The following ZNF277 variants were observed in gnomAD, a reference collection of about 807,000 sequenced individuals.
ZNF277 encodes the protein nuclear receptor-interacting factor 4.
A neutral mutation model predicts 60.7 loss-of-function variants in ZNF277; 55 were observed. That is an observed-to-expected ratio of 0.91 (90% CI 0.73 to 1.13). ZNF277 has a LOEUF of 1.13. Ranked by LOEUF, ZNF277 falls within the 50% of genes most tolerant of loss-of-function variation. The probability of loss-of-function intolerance (pLI) is 0.00; values close to 1 mark genes in which losing one functional copy is unlikely to be tolerated. For missense variants in ZNF277, 510 were observed against 523.0 expected, an observed-to-expected ratio of 0.98 and a Z score of 0.24; for synonymous variants, 178 against 179.3, an observed-to-expected ratio of 0.99 and a Z score of 0.06.
chr7:112,272,629 G>C (rs143319389), intron 1 of ZNF277, among the ~76,000 whole-genome samples: 149 of 152,272 alleles, frequency 9.8e-4, no homozygotes, highest in Middle Eastern at 3.4e-3. Flanking sequence ...GAGTAGCTGG[G>C]ATTATAGGCA....
chr7:112,336,913 C>G (rs937336454), intron 8 of ZNF277, among the ~76,000 whole-genome samples: 1 of 152,112 alleles, frequency 6.6e-6, no homozygotes, highest in Non-Finnish European at 1.5e-5. Context: ...AAGTCATGAC[C>G]TGGGCCGGGA....
At chr7:112,218,855 T>C (rs1821954008) in intron 1 of ZNF277, among the ~76,000 whole-genome samples, 1 of 152,236 alleles carries the variant, frequency 6.6e-6, no homozygotes. Context: ...ATTTTCTTTA[T>C]CTGTTCATCC....
At chr7:112,332,794 A>T (rs972754326) in intron 7 of ZNF277, among the ~76,000 whole-genome samples, 7 of 152,222 alleles carry the variant, frequency 4.6e-5, no homozygotes. Context: ...GAAATGATGT[A>T]AACACCTTTG....
intron 1 of ZNF277, among the ~76,000 whole-genome samples, chr7:112,222,285 G>A (rs1822050666): frequency 6.6e-6 from 1 of 152,194 alleles, no homozygotes; most frequent in Non-Finnish European, 1.5e-5. Context: ...TAAATGTTTG[G>A]TAGAATTCAG....
intron 1 of ZNF277, among the ~76,000 whole-genome samples, chr7:112,286,056 C>G (rs948444848): frequency 3.3e-5 from 5 of 152,118 alleles, no homozygotes; most frequent in African/African-American, 1.2e-4. Flanking sequence ...CTCTGGCAGA[C>G]TAAAGGGGGC....
At chr7:112,238,943 G>A (rs954398373) in intron 1 of ZNF277, among the ~76,000 whole-genome samples, 2 of 152,004 alleles carry the variant, frequency 1.3e-5, no homozygotes, top group African/African-American at 4.8e-5. Flanking sequence ...GACACATCCT[G>A]GACCAGAAGG....
chr7:112,341,024 A>G lies in ZNF277; in HGVS notation c.1162A>G (p.Arg388Gly). The G allele has an allele frequency of 1.2e-6, 2 of 1,603,784 alleles. No homozygotes were observed. The highest frequency in any genetic ancestry group is 1.7e-5 in the Admixed American group (1 of 58,438). The change falls in exon 11 of 12, where the codon AGA becomes GGA. Residue 388 changes from arginine (R) to glycine (G), a missense_variant. Transcript: ENST00000361822. ...ETKHTSLLPD[R>G]KTWDQLEYYF... ...TAAACACACTTCGCTGCTCCCCGAT[A>G]GAAAGACGTGGGATCAACTGGAGTA...
At chr7:112,322,573 A>G (rs1255827359) in intron 5 of ZNF277, among the ~76,000 whole-genome samples, 1 of 152,000 alleles carries the variant, frequency 6.6e-6, no homozygotes, top group Non-Finnish European at 1.5e-5. Flanking sequence ...ATAATAATTT[A>G]TATCTTTTTA....
chr7:112,257,698 C>T (rs1791350294), intron 1 of ZNF277, among the ~76,000 whole-genome samples: 1 of 152,164 alleles, frequency 6.6e-6, no homozygotes, highest in South Asian at 2.1e-4. Context: ...CAAACAATAA[C>T]ATACCTTCTC....
chr7:112,305,312 C>T (rs1792564932), intron 4 of ZNF277, among the ~76,000 whole-genome samples: 1 of 152,000 alleles, frequency 6.6e-6, no homozygotes, highest in Admixed American at 6.6e-5. Context: ...AATGGTACTA[C>T]AGGCAAATGA....
intron 2 of ZNF277, among the ~76,000 whole-genome samples, chr7:112,289,728 T>C (rs535992110): frequency 3.3e-5 from 5 of 152,262 alleles, no homozygotes; most frequent in African/African-American, 1.2e-4. Context: ...ATTAGTCAGC[T>C]TTTCTTTAAT....
At chr7:112,323,919 A>C (rs1793041606) in intron 5 of ZNF277, among the ~76,000 whole-genome samples, 1 of 152,256 alleles carries the variant, frequency 6.6e-6, no homozygotes, top group African/African-American at 2.4e-5. Context: ...ATCAGAGAGC[A>C]CTATGTAGGG....
chr7:112,261,215 C>T (rs985079245), intron 1 of ZNF277, among the ~76,000 whole-genome samples: 12 of 152,170 alleles, frequency 7.9e-5, no homozygotes, highest in African/African-American at 2.9e-4. Context: ...TATAGGTTAT[C>T]TGGTGTCATC....
chr7:112,250,924 G>A (rs936679309), intron 1 of ZNF277, among the ~76,000 whole-genome samples: 1 of 152,156 alleles, frequency 6.6e-6, no homozygotes, highest in Admixed American at 6.5e-5. Flanking sequence ...TCGGCTGTCA[G>A]CACATCATTC....
chr7:112,317,754 G>C (rs1429951035), intron 4 of ZNF277, among the ~76,000 whole-genome samples: 2 of 152,096 alleles, frequency 1.3e-5, no homozygotes, highest in Non-Finnish European at 2.9e-5. Context: ...ACTGAACTCA[G>C]AGGGGTGACC....
chr7:112,326,118 T>C (rs549460829), intron 5 of ZNF277, among the ~76,000 whole-genome samples: 14 of 152,058 alleles, frequency 9.2e-5, no homozygotes, highest in Non-Finnish European at 1.9e-4. Flanking sequence ...TGGCAAGATA[T>C]TTTGATCCTA....
chr7:112,329,996 G>T, intron 6 of ZNF277, 88 bp from the exon 7 acceptor site: 1 of 1,428,262 alleles, frequency 7.0e-7, no homozygotes, highest in Non-Finnish European at 9.4e-7. Flanking sequence ...AACCTAAAAT[G>T]AATAAATATG....
At chr7:112,310,492 T>A (rs558949922) in intron 4 of ZNF277, among the ~76,000 whole-genome samples, 4,442 of 101,924 alleles carry the variant, frequency 0.044, 375 homozygotes, top group African/African-American at 0.19. Flanking sequence ...TGTGTGTGTG[T>A]ATGTATTTTA....
intron 1 of ZNF277, among the ~76,000 whole-genome samples, chr7:112,254,589 A>T (rs948403431): frequency 1.3e-5 from 2 of 152,372 alleles, no homozygotes; most frequent in Admixed American, 6.5e-5. Flanking sequence ...TGTTAAAATA[A>T]ATATGGCATT....
Sources: gnomAD v4.1 joint callset for allele counts (sites outside exome capture counted in the v4.1 genomes callset) on GRCh38, gnomAD v4.1.1 for gene constraint, MANE v1.5 for transcripts, NCBI Gene and HGNC (gene_info 2026-07-23, HGNC 2026-07-21) for gene names.